The following GP6 variants were observed in gnomAD, a reference collection of about 807,000 sequenced individuals.
GP6 encodes platelet glycoprotein VI.
GP6 carries 45 observed loss-of-function variants against 37.3 expected under a neutral mutation model. The observed-to-expected ratio is 1.21, with a 90% CI of 0.95 to 1.55. GP6 has a LOEUF of 1.55. Ranked by LOEUF, GP6 falls within the 40% of genes most tolerant of loss-of-function variation. GP6 has a pLI of 0.00. For missense variants in GP6, 813 were observed against 760.2 expected, an observed-to-expected ratio of 1.07 and a Z score of -0.82; for synonymous variants, 340 against 316.4, an observed-to-expected ratio of 1.07 and a Z score of -0.79.
At chr19:55,034,820 C>T (rs1334685897) in intron 1 of GP6, among the ~76,000 whole-genome samples, 1 of 152,074 alleles carries the variant, frequency 6.6e-6, no homozygotes, top group South Asian at 2.1e-4. Flanking sequence ...GTGTAGCTCA[C>T]ATAGCAAGAA....
chr19:55,016,666 A>G (rs2073887956), intron 6 of GP6, among the ~76,000 whole-genome samples: 1 of 151,588 alleles, frequency 6.6e-6, no homozygotes, highest in South Asian at 2.1e-4. Flanking sequence ...GAGCCACTGC[A>G]CCCGGCCTCC....
At chr19:55,025,626 A>T (rs187247036) in intron 4 of GP6, among the ~76,000 whole-genome samples, 191 of 152,154 alleles carry the variant, frequency 1.3e-3, no homozygotes, top group African/African-American at 4.1e-3. Flanking sequence ...GAATCACTTG[A>T]ACCTAGGAGG....
At chr19:55,025,172 G>A (rs1377371691) in intron 5 of GP6, 46 bp downstream of exon 5, 13 of 994,024 alleles carry the variant, frequency 1.3e-5, no homozygotes, top group Admixed American at 2.0e-5. Context: ...GAAGGGGTCC[G>A]TGTACCTCAT....
intron 3 of GP6, among the ~76,000 whole-genome samples, chr19:55,030,630 G>A (rs372679169): frequency 1.7e-4 from 25 of 150,732 alleles, no homozygotes; most frequent in East Asian, 4.0e-4. Context: ...GGCGTGAGCC[G>A]CCGCGCCCGG....
chr19:55,027,944 G>A, intron 3 of GP6, 82 bp from the exon 4 acceptor site: 1 of 1,391,160 alleles, frequency 7.2e-7, no homozygotes, highest in East Asian at 2.3e-5. Context: ...ACCTGCCTAA[G>A]AGCTGGGGAG....
At chr19:55,016,534 C>T (rs367739422) in intron 6 of GP6, among the ~76,000 whole-genome samples, 6 of 151,842 alleles carry the variant, frequency 4.0e-5, no homozygotes, top group South Asian at 4.2e-4. Context: ...CGCCACCACG[C>T]CCAGCTAAGT....
chr19:55,030,493 C>T (rs746813868), intron 3 of GP6, among the ~76,000 whole-genome samples: 4 of 152,032 alleles, frequency 2.6e-5, no homozygotes, highest in Admixed American at 6.6e-5. Context: ...AGTGCGCCAC[C>T]GCGCCCAGCT....
chr19:55,024,080 A>T (rs2146777144), intron 5 of GP6, among the ~76,000 whole-genome samples: 1 of 152,330 alleles, frequency 6.6e-6, no homozygotes, highest in East Asian at 1.9e-4. Flanking sequence ...CTAGACACCT[A>T]CTTTATGCCA....
rs1003783371 is a variant in GP6 at position 55,038,259 on chromosome 19, C to T, written c.-23G>A. The T allele has an allele frequency of 3.2e-6, 5 of 1,576,906 alleles. No homozygotes were observed. In the African/African-American group the frequency reaches 6.7e-5, roughly 21 times the overall value. ...CATGGTTCCTCAGCCCTGTCCTGAG[C>T]TCTGTGGCCAGGGAGGGAAGTGGTG... On this transcript the variant is annotated 5_prime_UTR_variant, in exon 1 of 8. Transcript: ENST00000310373.
chr19:55,028,180 C>A lies in GP6; in HGVS notation c.326-318G>T, dbSNP rs1671196. Among the ~76,000 whole-genome samples, 226 of 152,214 alleles carry A rather than the reference C, an allele frequency of 1.5e-3. 1 individual carries two copies. The highest frequency in any genetic ancestry group is 5.2e-3 in the African/African-American group (214 of 41,506). On this transcript the variant is annotated intron_variant, in intron 3 of 7. Coordinates refer to ENST00000310373, the MANE Select transcript of GP6 (RefSeq NM_001083899.2). ...ATGGGGATGACTGAATGAGACAGTA[C>A]ACAGTAATTTGCAGAGTGCCTGTTG...
chr19:55,021,315 G>T (rs1297192098), intron 5 of GP6, among the ~76,000 whole-genome samples: 1 of 148,302 alleles, frequency 6.7e-6, no homozygotes, highest in African/African-American at 2.5e-5. Context: ...AGTGAGCCGA[G>T]ATCGCACCAC....
chr19:55,034,073 TATACATACATGTGTATGTAC>T (rs2074716649), intron 1 of GP6, among the ~76,000 whole-genome samples: 1 of 152,006 alleles, frequency 6.6e-6, no homozygotes, highest in African/African-American at 2.4e-5. Context: ...AACCTACATC[TATACATACATGTGTATGTAC>T]ATATACACGT....
At chr19:55,035,751 G>T (rs1200356732) in intron 1 of GP6, among the ~76,000 whole-genome samples, 3 of 151,898 alleles carry the variant, frequency 2.0e-5, no homozygotes, top group Non-Finnish European at 2.9e-5. Flanking sequence ...AATGAGCGTG[G>T]AATACTACTC....
rs906281805 is a variant in GP6, at chr19:55,032,877, G to A, written c.35-339C>T. 39 of 396,318 alleles carry A rather than the reference G, an allele frequency of 9.8e-5. 2 individuals carry two copies. Among genetic ancestry groups the A allele is most frequent in the Non-Finnish European group, 1.6e-4 (35 of 218,630 alleles). The allele number at this position is 396,318 out of a possible 1,614,324, so 24.6% of individuals were successfully genotyped here. ...TGTTAGACACGGTGGGCTCGTTCGTGTTAGACACGGTGGACTCGTTCGTGT... is the reference window on the plus strand; with the variant it reads ...TGTTAGACACGGTGGGCTCGTTCGTATTAGACACGGTGGACTCGTTCGTGT... On this transcript the variant is annotated intron_variant, in intron 1 of 7. Transcript: ENST00000310373.
chr19:55,016,029 C>T (rs1318235181), intron 6 of GP6, among the ~76,000 whole-genome samples: 2 of 151,924 alleles, frequency 1.3e-5, no homozygotes, highest in African/African-American at 4.8e-5. Flanking sequence ...ATCCCAGCTA[C>T]TCAGTGGAGG....
intron 1 of GP6, among the ~76,000 whole-genome samples, chr19:55,037,163 C>T (rs528096560): frequency 6.6e-6 from 1 of 152,198 alleles, no homozygotes; most frequent in South Asian, 2.1e-4. Context: ...CTTTAGTGGT[C>T]AAATTCTGAA....
intron 5 of GP6, among the ~76,000 whole-genome samples, chr19:55,020,388 A>G (rs2074036028): frequency 6.6e-6 from 1 of 151,306 alleles, no homozygotes; most frequent in South Asian, 2.1e-4. Flanking sequence ...TTCCCCCTAC[A>G]GGCCCCAGTG....
Position 55,015,721 on chromosome 19 carries a change from C to G in GP6, c.737G>C (p.Ser246Thr). The change falls in exon 7 of 8, where the codon AGT becomes ACT. Residue 246 changes from serine (S) to threonine (T), a missense_variant. Ser to Thr is a moderately conservative substitution (Grantham distance 58, BLOSUM62 1). Transcript: ENST00000310373. ...TGACTCCTTTGGACTGGCGGTGATACTCCTAGAAGTCTCTGGGAACCAAAC... is the reference window on the plus strand; with the variant it reads ...TGACTCCTTTGGACTGGCGGTGATAGTCCTAGAAGTCTCTGGGAACCAAAC... The G allele has an allele frequency of 1.3e-6, 2 of 1,561,740 alleles. No homozygotes were observed. The highest frequency in any genetic ancestry group is 1.8e-6 in the Non-Finnish European group (2 of 1,131,894).
At chr19:55,015,829 A>G (rs1602532207) in intron 6 of GP6, 96 bp from the exon 7 acceptor site, 3 of 754,984 alleles carry the variant, frequency 4.0e-6, no homozygotes, top group East Asian at 2.5e-5. Context: ...GGGGAGGCAC[A>G]ATTCCACAGC....
Sources: gnomAD v4.1 joint callset for allele counts (sites outside exome capture counted in the v4.1 genomes callset) on GRCh38, gnomAD v4.1.1 for gene constraint, MANE v1.5 for transcripts, NCBI Gene and HGNC (gene_info 2026-07-23, HGNC 2026-07-21) for gene names.